The following RNLS variants were observed in gnomAD, a reference collection of about 807,000 sequenced individuals.
The protein encoded by RNLS is renalase, FAD dependent amine oxidase.
Under a neutral mutation model 39.8 loss-of-function variants are expected in RNLS, and 39 were observed. The ratio of observed to expected loss-of-function variants is 0.98; its 90% CI spans 0.76 to 1.28. The LOEUF is 1.28. Ranked by LOEUF, RNLS falls within the 50% of genes most tolerant of loss-of-function variation. The pLI, the probability that RNLS is intolerant of heterozygous loss-of-function variation, is 0.00. For synonymous variants in RNLS, 147 were observed against 150.7 expected, an observed-to-expected ratio of 0.98 and a Z score of 0.18; for missense variants, 410 against 413.3, an observed-to-expected ratio of 0.99 and a Z score of 0.07.
chr10:88,293,369 T>TA (rs1351561884), intron 6 of RNLS, among the ~76,000 whole-genome samples: 1 of 152,182 alleles, frequency 6.6e-6, no homozygotes, highest in Non-Finnish European at 1.5e-5. Context: ...CCATGGTACA[T>TA]AAACAGCAGA....
intron 6 of RNLS, among the ~76,000 whole-genome samples, chr10:88,302,144 A>G (rs1476812612): frequency 6.6e-6 from 1 of 152,234 alleles, no homozygotes; most frequent in African/African-American, 2.4e-5. Flanking sequence ...TGAGACATAG[A>G]GTTATGGTCC....
At chr10:88,468,751 A>T (rs1384007555) in intron 4 of RNLS, among the ~76,000 whole-genome samples, 2 of 152,124 alleles carry the variant, frequency 1.3e-5, no homozygotes, top group African/African-American at 4.8e-5. Flanking sequence ...GTAAGAAATA[A>T]CCATCACTGC....
chr10:88,469,391 A>G (rs1589846541), intron 4 of RNLS, among the ~76,000 whole-genome samples: 1 of 152,176 alleles, frequency 6.6e-6, no homozygotes, highest in Non-Finnish European at 1.5e-5. Flanking sequence ...CTGTATAAAT[A>G]CTGGGACATA....
the RNLS span, among the ~76,000 whole-genome samples, chr10:88,243,077 T>C: frequency 6.6e-6 from 1 of 152,220 alleles, no homozygotes. Context: ...AAAACAGTGA[T>C]AATAATATCT....
chr10:88,447,436 G>T (rs1842103283), intron 4 of RNLS, among the ~76,000 whole-genome samples: 1 of 152,094 alleles, frequency 6.6e-6, no homozygotes, highest in African/African-American at 2.4e-5. Context: ...AAATACCTAG[G>T]AATCCATCTT....
intron 4 of RNLS, among the ~76,000 whole-genome samples, chr10:88,500,562 A>T (rs995857756): frequency 1.3e-5 from 2 of 152,158 alleles, no homozygotes; most frequent in African/African-American, 4.8e-5. Flanking sequence ...AGACAAAAGC[A>T]ATTTTTTAAA....
At chr10:88,209,096 T>G in the RNLS span, among the ~76,000 whole-genome samples, 1 of 152,172 alleles carries the variant, frequency 6.6e-6, no homozygotes, top group Non-Finnish European at 1.5e-5. Context: ...TCCGAAACTC[T>G]TCTTTTTTGC....
In RNLS at chr10:88,318,175, C is replaced by T. The variant is rs370516757; in HGVS notation, c.701-3534G>A. Reference sequence around the variant, plus strand: ...CCTTGAGTCACCACACCACGAGATTCCCCACAAACATACCCCACAACCCAT... The same window carrying T: ...CCTTGAGTCACCACACCACGAGATTTCCCACAAACATACCCCACAACCCAT... On this transcript the variant is annotated intron_variant, in intron 5 of 6. Transcript: ENST00000331772. 5.3e-5 allele frequency among the ~76,000 whole-genome samples: 8 copies of T among 152,314 alleles called. No individual in the cohort carries two copies. In the East Asian group the frequency reaches 7.7e-4, roughly 15 times the overall value.
chr10:88,408,816 C>T (rs1853464139), intron 4 of RNLS, among the ~76,000 whole-genome samples: 1 of 151,894 alleles, frequency 6.6e-6, no homozygotes, highest in African/African-American at 2.4e-5. Flanking sequence ...AGAACAAAAT[C>T]TTAGTGGAGA....
chr10:88,177,098 G>C, the RNLS span, among the ~76,000 whole-genome samples: 1 of 152,144 alleles, frequency 6.6e-6, no homozygotes, highest in Non-Finnish European at 1.5e-5. Flanking sequence ...GGATATTTAA[G>C]CACCCTGTAT....
chr10:88,186,891 G>A, the RNLS span, among the ~76,000 whole-genome samples: 4 of 151,770 alleles, frequency 2.6e-5, no homozygotes, highest in South Asian at 4.1e-4. Context: ...GTACAGTTCA[G>A]GTATACTTTC....
chr10:88,187,472 C>A, the RNLS span, among the ~76,000 whole-genome samples: 1 of 152,194 alleles, frequency 6.6e-6, no homozygotes, highest in Admixed American at 6.5e-5. Flanking sequence ...CTCCCCACAT[C>A]TCTCAGCCCC....
downstream of RNLS, among the ~76,000 whole-genome samples, chr10:88,273,245 G>GCC: frequency 6.6e-6 from 1 of 152,232 alleles, no homozygotes; most frequent in Non-Finnish European, 1.5e-5. Context: ...TCAACACAAG[G>GCC]CCAATTGGCT....
intron 5 of RNLS, among the ~76,000 whole-genome samples, chr10:88,350,464 G>T (rs1024576051): frequency 6.6e-6 from 1 of 152,030 alleles, no homozygotes; most frequent in Non-Finnish European, 1.5e-5. Flanking sequence ...TCCCACCTAT[G>T]AGTGAGAACA....
intron 4 of RNLS, among the ~76,000 whole-genome samples, chr10:88,549,266 A>C (rs1848494484): frequency 9.4e-6 from 1 of 105,922 alleles, no homozygotes; most frequent in South Asian, 3.4e-4. Context: ...AGTAAAACTA[A>C]AAAAAAAATA....
At chr10:88,574,547 C>T (rs1263795005) in intron 3 of RNLS, among the ~76,000 whole-genome samples, 1 of 152,188 alleles carries the variant, frequency 6.6e-6, no homozygotes, top group East Asian at 1.9e-4. Context: ...CTCAAGGCTC[C>T]TTCATGTCGG....
chr10:88,223,869 T>C, the RNLS span, among the ~76,000 whole-genome samples: 2 of 152,144 alleles, frequency 1.3e-5, no homozygotes, highest in Non-Finnish European at 2.9e-5. Context: ...ATTAACATCG[T>C]CTGGCCCCAA....
chr10:88,362,625 A>C lies in RNLS; in HGVS notation c.627T>G (p.Pro209=). ...TACTGGTGATGTACTGCCCAGCCCA[A>C]GGGACATCAATCTTCGTACCAGCTT... The part of the protein sequence containing the change: ...FYEAGTKIDV[P]WAGQYITSNP... The change falls in exon 5 of 7, where the codon CCT becomes CCG. Residue 209 remains proline, a synonymous_variant. Transcript: ENST00000331772. 6.2e-7 allele frequency: 1 copy of C among 1,613,952 alleles called. No homozygotes were observed. Among genetic ancestry groups the C allele is most frequent in the Non-Finnish European group, 8.5e-7 (1 of 1,179,918 alleles).
chr10:88,572,137 T>A (rs1849873873), intron 4 of RNLS, among the ~76,000 whole-genome samples: 2 of 152,186 alleles, frequency 1.3e-5, no homozygotes, highest in Admixed American at 1.3e-4. Flanking sequence ...AGTAAATAGC[T>A]GCTGTCAACT....
Sources: allele counts gnomAD v4.1 joint callset (sites outside exome capture counted in the v4.1 genomes callset), GRCh38; gene constraint gnomAD v4.1.1; transcripts MANE v1.5; gene names NCBI Gene and HGNC (gene_info 2026-07-23, HGNC 2026-07-21).